Variants in CADPS observed in about 807,000 individuals in gnomAD.
CADPS encodes calcium dependent secretion activator, also known as calcium-dependent secretion activator 1.
A neutral mutation model predicts 167.3 loss-of-function variants in CADPS; 57 were observed. The observed-to-expected ratio is 0.34, with a 90% confidence interval of 0.28 to 0.42. The LOEUF is 0.42. Among genes scored for constraint, CADPS ranks in the 20% least tolerant of loss-of-function variants. CADPS has a pLI of 1.00. For missense variants in CADPS, 1,414 were observed against 1,738.1 expected (o/e 0.81, Z 3.32); for synonymous variants, 676 against 635.3 (o/e 1.06, Z -0.96).
intron 11 of CADPS, among the ~76,000 whole-genome samples, chr3:62,545,616 A>G (rs1350666747): frequency 6.6e-6 from 1 of 152,054 alleles, no homozygotes; most frequent in African/African-American, 2.4e-5. Context: ...AGCAGGATCT[A>G]TTTTTTTCAG....
chr3:62,475,312 G>A (rs972678290), intron 23 of CADPS, among the ~76,000 whole-genome samples: 1 of 152,124 alleles, frequency 6.6e-6, no homozygotes, highest in Non-Finnish European at 1.5e-5. Context: ...ATCATCAAAT[G>A]TCTTTAAAGA....
intron 21 of CADPS, among the ~76,000 whole-genome samples, chr3:62,486,312 GC>G: frequency 6.6e-6 from 1 of 152,036 alleles, no homozygotes; most frequent in East Asian, 1.9e-4. Flanking sequence ...GGGCGTGGTG[GC>G]AGGCACCTGT....
intron 3 of CADPS, among the ~76,000 whole-genome samples, chr3:62,691,158 T>C (rs1048640319): frequency 7.9e-5 from 12 of 151,736 alleles, no homozygotes; most frequent in Non-Finnish European, 1.5e-4. Flanking sequence ...TGGTTGTCAG[T>C]GGTTGAGGGG....
chr3:62,646,903 G>A (rs2068717746), intron 5 of CADPS, among the ~76,000 whole-genome samples: 1 of 152,166 alleles, frequency 6.6e-6, no homozygotes, highest in African/African-American at 2.4e-5. Flanking sequence ...GTCTGCAGCT[G>A]CATAGTCTTT....
chr3:62,416,004 C>A (rs546765225), intron 28 of CADPS, among the ~76,000 whole-genome samples: 1 of 152,200 alleles, frequency 6.6e-6, no homozygotes, highest in South Asian at 2.1e-4. Context: ...AGAGTCTTAA[C>A]AAAATTGTTT....
At chr3:62,429,306 A>T (rs560222880) in intron 28 of CADPS, among the ~76,000 whole-genome samples, 19 of 152,332 alleles carry the variant, frequency 1.2e-4, no homozygotes, top group Non-Finnish European at 2.6e-4. Context: ...GTCTGGGGTT[A>T]GGGCTGAGAC....
intron 25 of CADPS, 58 bp downstream of exon 25, chr3:62,466,281 T>G (rs1406806636): frequency 6.0e-6 from 7 of 1,175,636 alleles, no homozygotes; most frequent in Non-Finnish European, 7.6e-6. Flanking sequence ...TTAATGGAAA[T>G]GGAGACATAA....
intron 1 of CADPS, among the ~76,000 whole-genome samples, chr3:62,788,321 A>G (rs756464087): frequency 3.9e-5 from 6 of 152,174 alleles, no homozygotes; most frequent in Non-Finnish European, 8.8e-5. Context: ...TTTCCTCTAG[A>G]GTTCTGCTTG....
intron 14 of CADPS, 60 bp from the exon 15 acceptor site, chr3:62,516,703 T>C (rs947335512): frequency 8.4e-7 from 1 of 1,196,866 alleles, no homozygotes; most frequent in African/African-American, 1.5e-5. Context: ...TGAAATATGC[T>C]GCAATTTGAT....
chr3:62,828,054 T>C (rs954911434), intron 1 of CADPS, among the ~76,000 whole-genome samples: 70 of 152,316 alleles, frequency 4.6e-4, no homozygotes, highest in African/African-American at 1.7e-3. Context: ...CTTCATTGTG[T>C]GGGACTGTCC....
At chr3:62,790,729 T>G (rs1205882176) in intron 1 of CADPS, among the ~76,000 whole-genome samples, 1 of 152,226 alleles carries the variant, frequency 6.6e-6, no homozygotes, top group Non-Finnish European at 1.5e-5. Flanking sequence ...TTATTTTCCT[T>G]GCTCTATTGA....
At chr3:62,699,319 G>A (rs1157091858) in intron 3 of CADPS, among the ~76,000 whole-genome samples, 1 of 151,920 alleles carries the variant, frequency 6.6e-6, no homozygotes, top group East Asian at 2.0e-4. Flanking sequence ...TTACCGGCGT[G>A]AGCCACTGTG....
intron 4 of CADPS, among the ~76,000 whole-genome samples, chr3:62,655,432 C>A (rs1455844002): frequency 6.6e-5 from 10 of 152,256 alleles, no homozygotes; most frequent in African/African-American, 2.2e-4. Flanking sequence ...CCAAAAAAAT[C>A]TCTGTTGGCC....
intron 21 of CADPS, among the ~76,000 whole-genome samples, chr3:62,486,035 C>G (rs2150958928): frequency 6.6e-6 from 1 of 152,268 alleles, no homozygotes; most frequent in Non-Finnish European, 1.5e-5. Context: ...GCTAAGGTGT[C>G]TTTGGTCTGA....
intron 21 of CADPS, among the ~76,000 whole-genome samples, chr3:62,488,589 C>T (rs13083204): frequency 0.33 from 49,687 of 151,826 alleles, 9,326 homozygotes; most frequent in East Asian, 0.44. Context: ...AACTCCTGGG[C>T]TCAAGCAATC....
At chr3:62,783,737 C>A (rs748420581) in intron 1 of CADPS, among the ~76,000 whole-genome samples, 3 of 152,162 alleles carry the variant, frequency 2.0e-5, no homozygotes, top group South Asian at 2.1e-4. Context: ...TGTCTCCACA[C>A]GCTCAAGTAC....
chr3:62,841,116 T>C (rs1299694694), intron 1 of CADPS, among the ~76,000 whole-genome samples: 1 of 152,192 alleles, frequency 6.6e-6, no homozygotes, highest in Non-Finnish European at 1.5e-5. Context: ...GTTTTATTCT[T>C]TAACAGTCCT....
In CADPS at chr3:62,649,541, G is replaced by GTTTTTTTTTTTTTTTTTTTTT. The variant is rs1212818484; in HGVS notation, c.1203+1305_1203+1306insAAAAAAAAAAAAAAAAAAAAA. Among the ~76,000 whole-genome samples, 6 of 75,004 alleles carry GTTTTTTTTTTTTTTTTTTTTT rather than the reference G, an allele frequency of 8.0e-5. 1 individual carries two copies. The highest frequency in any genetic ancestry group is 2.9e-4 in the African/African-American group (6 of 20,728). 49.2% of individuals were successfully genotyped at this position (75,004 alleles called of 152,430 possible). A position where few individuals can be genotyped will look rare whatever the true frequency, so the allele number is the denominator to read the frequency against. On this transcript the variant is annotated intron_variant, in intron 5 of 29. Transcript: ENST00000383710. ...TATCAAGGGAATCATACAATATGTGGTCTTTTTTTTTTTTTTTTTTTTTTT... is the reference window on the plus strand; with the variant it reads ...TATCAAGGGAATCATACAATATGTGGTTTTTTTTTTTTTTTTTTTTTTCTTTTTTTTTTTTTTTTTTTTTTT...
At chr3:62,427,193 T>C (rs369536322) in intron 28 of CADPS, among the ~76,000 whole-genome samples, 31 of 152,166 alleles carry the variant, frequency 2.0e-4, no homozygotes, top group South Asian at 1.7e-3. Context: ...ATGGGAACTA[T>C]AGATGGGTGA....
Sources: allele counts gnomAD v4.1 joint callset (sites outside exome capture counted in the v4.1 genomes callset), GRCh38; gene constraint gnomAD v4.1.1; transcripts MANE v1.5; gene names NCBI Gene and HGNC (gene_info 2026-07-23, HGNC 2026-07-21).